Variants in TMEM117 observed in about 807,000 individuals in gnomAD.
TMEM117 encodes the protein transmembrane protein 117.
Under a neutral mutation model 52.4 loss-of-function variants are expected in TMEM117, and 27 were observed. That is an observed-to-expected ratio of 0.51 (90% CI 0.38 to 0.71). The LOEUF (loss-of-function observed/expected upper bound fraction) is 0.71, where lower values mean the gene tolerates loss of function less well. Among genes scored for constraint, TMEM117 ranks in the 30% least tolerant of loss-of-function variants. The pLI is 0.00. For synonymous variants in TMEM117, 215 were observed against 206.3 expected (o/e 1.04, Z -0.36); for missense variants, 556 against 630.5 (o/e 0.88, Z 1.26).
chr12:44,175,976 G>A (rs944185126), intron 4 of TMEM117, among the ~76,000 whole-genome samples: 6 of 152,136 alleles, frequency 3.9e-5, no homozygotes, highest in African/African-American at 1.4e-4. Flanking sequence ...TGAAGATAAA[G>A]AACAGCAAGT....
At chr12:43,809,345 T>C in the TMEM117 span, among the ~76,000 whole-genome samples, 4 of 152,204 alleles carry the variant, frequency 2.6e-5, no homozygotes, top group East Asian at 1.9e-4. Context: ...TGTAAAATTT[T>C]TAAAAACACA....
chr12:43,811,968 C>T, the TMEM117 span, among the ~76,000 whole-genome samples: 4 of 152,028 alleles, frequency 2.6e-5, no homozygotes, highest in African/African-American at 9.7e-5. Context: ...TTCACTACTA[C>T]AGTAAATGAA....
intron 6 of TMEM117, among the ~76,000 whole-genome samples, chr12:44,338,465 C>T (rs1565730897): frequency 6.6e-6 from 1 of 151,926 alleles, no homozygotes; most frequent in Non-Finnish European, 1.5e-5. Context: ...ATCCTTTACA[C>T]ACACATACGC....
chr12:44,158,564 T>C (rs1347079137), intron 4 of TMEM117, among the ~76,000 whole-genome samples: 2 of 152,208 alleles, frequency 1.3e-5, no homozygotes, highest in Non-Finnish European at 2.9e-5. Flanking sequence ...TAGTATTCTT[T>C]TCAGCTGAGA....
At chr12:44,342,204 T>C (rs1046657377) in intron 6 of TMEM117, among the ~76,000 whole-genome samples, 4 of 152,160 alleles carry the variant, frequency 2.6e-5, no homozygotes, top group African/African-American at 7.2e-5. Flanking sequence ...CTAAAGGCCA[T>C]AGAATCACTT....
intron 3 of TMEM117, among the ~76,000 whole-genome samples, chr12:43,969,256 C>T (rs1335170050): frequency 6.6e-6 from 1 of 150,440 alleles, no homozygotes; most frequent in African/African-American, 2.5e-5. Flanking sequence ...CGCGGTGGCT[C>T]ATGCCTGTAA....
intron 5 of TMEM117, among the ~76,000 whole-genome samples, chr12:44,234,832 G>T (rs10047545): frequency 1.4e-3 from 215 of 151,368 alleles, no homozygotes; most frequent in African/African-American, 4.9e-3. Flanking sequence ...TCAACATTTT[G>T]AAATTTGTCA....
chr12:43,938,545 G>T (rs181241786), intron 2 of TMEM117, among the ~76,000 whole-genome samples: 6 of 152,058 alleles, frequency 3.9e-5, no homozygotes, highest in African/African-American at 1.2e-4. Flanking sequence ...AGGATAAGAC[G>T]CCACACTGAG....
intron 1 of TMEM117, among the ~76,000 whole-genome samples, chr12:43,838,778 G>C (rs139783144): frequency 6.7e-4 from 102 of 151,992 alleles, no homozygotes; most frequent in African/African-American, 2.3e-3. Context: ...GCCTGTTTCT[G>C]TCAGCTGGTA....
intron 3 of TMEM117, among the ~76,000 whole-genome samples, chr12:43,989,507 C>T (rs1436966405): frequency 6.6e-6 from 1 of 152,006 alleles, no homozygotes; most frequent in Non-Finnish European, 1.5e-5. Context: ...GCTGGTTTCT[C>T]TCTTTTTTCA....
At chr12:44,216,821 G>A (rs1027082583) in intron 5 of TMEM117, among the ~76,000 whole-genome samples, 1 of 152,008 alleles carries the variant, frequency 6.6e-6, no homozygotes, top group African/African-American at 2.4e-5. Flanking sequence ...AAAATCCTAT[G>A]GAAATCCATA....
chr12:44,069,941 G>A (rs547175310), intron 3 of TMEM117, among the ~76,000 whole-genome samples: 19 of 152,150 alleles, frequency 1.2e-4, no homozygotes, highest in Non-Finnish European at 2.4e-4. Context: ...TCAGGCTGGC[G>A]TGCAGTGGCA....
the TMEM117 span, among the ~76,000 whole-genome samples, chr12:43,827,574 T>A: frequency 3.0e-4 from 45 of 152,326 alleles, no homozygotes; most frequent in Non-Finnish European, 5.3e-4. Flanking sequence ...ACACATTATC[T>A]TTATCATTAA....
At chr12:44,023,501 T>C (rs925257624) in intron 3 of TMEM117, among the ~76,000 whole-genome samples, 11 of 152,120 alleles carry the variant, frequency 7.2e-5, no homozygotes, top group Non-Finnish European at 1.0e-4. Context: ...TTCCTGACTT[T>C]TTAATGATCA....
At chr12:43,894,683 A>G (rs1944168247) in intron 2 of TMEM117, among the ~76,000 whole-genome samples, 1 of 151,992 alleles carries the variant, frequency 6.6e-6, no homozygotes, top group East Asian at 1.9e-4. Flanking sequence ...TGCTAAGGAT[A>G]ATGGCCCCCA....
chr12:44,398,505 A>T, the TMEM117 span, among the ~76,000 whole-genome samples: 1 of 152,188 alleles, frequency 6.6e-6, no homozygotes, highest in African/African-American at 2.4e-5. Context: ...GGTTTTGGGC[A>T]GGGTACCGGT....
chr12:44,179,588 T>C (rs958294667), intron 4 of TMEM117, among the ~76,000 whole-genome samples: 13 of 152,228 alleles, frequency 8.5e-5, no homozygotes, highest in African/African-American at 3.1e-4. Context: ...TTCTACCTGC[T>C]TTGTTCCAGC....
intron 3 of TMEM117, among the ~76,000 whole-genome samples, chr12:44,048,720 A>G (rs1946919068): frequency 6.6e-6 from 1 of 152,234 alleles, no homozygotes; most frequent in Non-Finnish European, 1.5e-5. Flanking sequence ...GTGATAGAGT[A>G]ATACCGTTGG....
intron 3 of TMEM117, among the ~76,000 whole-genome samples, chr12:43,948,016 G>A (rs192454360): frequency 5.8e-4 from 89 of 152,210 alleles, no homozygotes; most frequent in African/African-American, 2.0e-3. Flanking sequence ...TATCTAGACC[G>A]GAACCTCAAG....
Sources: allele counts gnomAD v4.1 joint callset (sites outside exome capture counted in the v4.1 genomes callset), GRCh38; gene constraint gnomAD v4.1.1; transcripts MANE v1.5; gene names NCBI Gene and HGNC (gene_info 2026-07-23, HGNC 2026-07-21).